Variants in RBFOX1 observed in about 807,000 individuals in gnomAD.
RBFOX1 encodes RNA binding fox-1 homolog 1.
Under a neutral mutation model 57.7 loss-of-function variants are expected in RBFOX1, and 8 were observed. The observed-to-expected ratio is 0.14, with a 90% CI of 0.08 to 0.25. The LOEUF (loss-of-function observed/expected upper bound fraction) is 0.25, where lower values mean the gene tolerates loss of function less well. Among genes scored for constraint, RBFOX1 ranks in the 10% least tolerant of loss-of-function variants. The pLI is 1.00. For missense variants in RBFOX1, 611 were observed against 548.5 expected (o/e 1.11, Z -1.14); for synonymous variants, 326 against 222.4 (o/e 1.47, Z -4.15).
At chr16:7,447,292 C>A (rs549914000) in intron 4 of RBFOX1, among the ~76,000 whole-genome samples, 1 of 151,806 alleles carries the variant, frequency 6.6e-6, no homozygotes, top group Non-Finnish European at 1.5e-5. Context: ...AATTAGCCAG[C>A]TGTGGTGGCA....
intron 3 of RBFOX1, among the ~76,000 whole-genome samples, chr16:7,046,391 C>T (rs1164310417): frequency 2.0e-5 from 3 of 151,974 alleles, no homozygotes; most frequent in Admixed American, 6.6e-5. Context: ...CAGTATTTTG[C>T]CTCTTTAGTT....
rs537050800 is a variant in RBFOX1, at chr16:7,053,359, C to T, written c.27+1261C>T. Among the ~76,000 whole-genome samples the T allele has an allele frequency of 1.4e-3, 211 of 152,310 alleles. 1 individual carries two copies. The highest frequency in any genetic ancestry group is 5.0e-3 in the African/African-American group (206 of 41,572). ...ACCCTTTCCTTCATGGAACAGACTT[C>T]AAGATTTTTAAGCTTTTCTGAACTG... On this transcript the variant is annotated intron_variant, in intron 4 of 15. Transcript: ENST00000550418.
intron 3 of RBFOX1, among the ~76,000 whole-genome samples, chr16:6,655,373 C>CAATAAAAAAA (rs2098641405): frequency 3.0e-5 from 1 of 33,686 alleles, no homozygotes; most frequent in African/African-American, 1.3e-4. Flanking sequence ...GCCTCCGTTT[C>CAATAAAAAAA]AAAAAAAAAA....
intron 4 of RBFOX1, among the ~76,000 whole-genome samples, chr16:7,178,707 G>A (rs1488360371): frequency 1.3e-5 from 2 of 152,172 alleles, no homozygotes; most frequent in East Asian, 1.9e-4. Context: ...GTCATTATCA[G>A]TTTTGTTAAT....
At chr16:6,691,833 T>G (rs1428159067) in intron 3 of RBFOX1, among the ~76,000 whole-genome samples, 2 of 152,206 alleles carry the variant, frequency 1.3e-5, no homozygotes, top group Non-Finnish European at 1.5e-5. Context: ...CCTTGAAAGC[T>G]GAGCACTTTT....
chr16:7,636,730 A>T (rs145375356), intron 11 of RBFOX1, among the ~76,000 whole-genome samples: 56 of 152,298 alleles, frequency 3.7e-4, no homozygotes, highest in African/African-American at 1.2e-3. Context: ...TGGAGGCTGG[A>T]AGTCCAAGAT....
chr16:7,254,529 G>A (rs10500352), intron 4 of RBFOX1, among the ~76,000 whole-genome samples: 14,856 of 151,538 alleles, frequency 0.098, 1,300 homozygotes, highest in African/African-American at 0.24. Flanking sequence ...CCCATTTTAG[G>A]TGTTATTTTA....
At chr16:5,479,991 G>A (rs1446537796) in intron 2 of RBFOX1, among the ~76,000 whole-genome samples, 1 of 151,956 alleles carries the variant, frequency 6.6e-6, no homozygotes, top group Non-Finnish European at 1.5e-5. Flanking sequence ...TCAAGAGCTT[G>A]GCCTTCCTCC....
At chr16:5,348,917 C>G (rs1333967078) in intron 1 of RBFOX1, among the ~76,000 whole-genome samples, 2 of 152,174 alleles carry the variant, frequency 1.3e-5, no homozygotes, top group African/African-American at 4.8e-5. Context: ...AATTTCGTTT[C>G]TTTTGGATAT....
chr16:7,293,735 C>G (rs1200635189), intron 4 of RBFOX1, among the ~76,000 whole-genome samples: 1 of 152,154 alleles, frequency 6.6e-6, no homozygotes, highest in African/African-American at 2.4e-5. Flanking sequence ...CCCGATACAT[C>G]CCCAGTGTCA....
chr16:7,682,094 AT>A (rs1397907050), intron 14 of RBFOX1, among the ~76,000 whole-genome samples: 1 of 152,152 alleles, frequency 6.6e-6, no homozygotes, highest in Non-Finnish European at 1.5e-5. Flanking sequence ...AATAGGCTGT[AT>A]CTATTCTTCC....
intron 3 of RBFOX1, among the ~76,000 whole-genome samples, chr16:6,891,248 G>A (rs368357901): frequency 6.6e-6 from 1 of 152,156 alleles, no homozygotes; most frequent in Non-Finnish European, 1.5e-5. Context: ...CATGAATCCT[G>A]CTAGCACTTT....
chr16:6,889,046 T>G (rs1326157500), intron 3 of RBFOX1, among the ~76,000 whole-genome samples: 4 of 152,184 alleles, frequency 2.6e-5, no homozygotes, highest in Non-Finnish European at 4.4e-5. Context: ...TGTTCTCAAA[T>G]TTGATTGTAT....
chr16:6,670,731 T>C (rs1352125974), intron 3 of RBFOX1, among the ~76,000 whole-genome samples: 1 of 151,990 alleles, frequency 6.6e-6, no homozygotes, highest in Non-Finnish European at 1.5e-5. Flanking sequence ...GGCACGGTGG[T>C]TCACGCCTGT....
intron 4 of RBFOX1, among the ~76,000 whole-genome samples, chr16:5,900,354 C>T (rs753110761): frequency 1.2e-4 from 18 of 151,940 alleles, no homozygotes; most frequent in Non-Finnish European, 2.4e-4. Context: ...GAGAGAATAG[C>T]GTGTGTTTTC....
chr16:5,360,398 G>A (rs570716768), intron 1 of RBFOX1, among the ~76,000 whole-genome samples: 9 of 152,348 alleles, frequency 5.9e-5, no homozygotes, highest in African/African-American at 1.9e-4. Context: ...CAATGTGCAC[G>A]TGGTTTCCTG....
chr16:6,245,781 TA>T (rs1451000848), intron 1 of RBFOX1, among the ~76,000 whole-genome samples: 2 of 152,208 alleles, frequency 1.3e-5, no homozygotes, highest in East Asian at 3.9e-4. Flanking sequence ...AACAAGAATT[TA>T]AACCAAGTTG....
chr16:7,436,216 T>G (rs1161074734), intron 4 of RBFOX1, among the ~76,000 whole-genome samples: 8 of 152,182 alleles, frequency 5.3e-5, no homozygotes, highest in Non-Finnish European at 1.0e-4. Context: ...ATTCTTATTG[T>G]TTTTGTTTTT....
intron 4 of RBFOX1, among the ~76,000 whole-genome samples, chr16:7,057,208 C>G (rs1598328592): frequency 1.3e-5 from 2 of 152,140 alleles, no homozygotes; most frequent in Admixed American, 6.5e-5. Context: ...AGGGCAGGCT[C>G]TGTATTTGAT....
Sources: gnomAD v4.1 joint callset for allele counts (sites outside exome capture counted in the v4.1 genomes callset) on GRCh38, gnomAD v4.1.1 for gene constraint, MANE v1.5 for transcripts, NCBI Gene and HGNC (gene_info 2026-07-23, HGNC 2026-07-21) for gene names.